The following RALYL variants were observed in gnomAD, a reference collection of about 807,000 sequenced individuals.
The protein encoded by RALYL is RALY RNA binding protein like.
RALYL carries 29 observed loss-of-function variants against 35.1 expected under a neutral mutation model. The observed-to-expected ratio is 0.83, with a 90% CI of 0.61 to 1.13. The LOEUF (loss-of-function observed/expected upper bound fraction) is 1.13. Among genes scored for constraint, RALYL ranks in the 50% most tolerant of loss-of-function variants. The pLI, the probability that RALYL is intolerant of heterozygous loss-of-function variation, is 0.00. For synonymous variants in RALYL, 120 were observed against 127.6 expected (o/e 0.94, Z 0.40); for missense variants, 359 against 360.4 (o/e 1.00, Z 0.03).
At chr8:84,493,045 T>C (rs1202351737) in intron 1 of RALYL, among the ~76,000 whole-genome samples, 1 of 152,112 alleles carries the variant, frequency 6.6e-6, no homozygotes, top group African/African-American at 2.4e-5. Flanking sequence ...GCATTAACTA[T>C]TTGTCCTGAT....
At chr8:84,275,998 G>A (rs748760377) in intron 1 of RALYL, among the ~76,000 whole-genome samples, 1 of 151,928 alleles carries the variant, frequency 6.6e-6, no homozygotes, top group Non-Finnish European at 1.5e-5. Context: ...GCACTCGGTG[G>A]CATATAAAAC....
chr8:84,768,945 G>A (rs1814765481), intron 2 of RALYL, among the ~76,000 whole-genome samples: 1 of 152,150 alleles, frequency 6.6e-6, no homozygotes, highest in Admixed American at 6.6e-5. Flanking sequence ...CAATCTAAGT[G>A]TGTTTTCAGA....
chr8:84,788,634 C>A (rs1820097570), intron 3 of RALYL, among the ~76,000 whole-genome samples: 1 of 152,082 alleles, frequency 6.6e-6, no homozygotes. Flanking sequence ...AGTTAATTTT[C>A]TAAAAGGGCA....
rs146061758 is a variant in RALYL, at chr8:84,314,119, G to A, written c.-24+129695G>A. 1.3e-3 allele frequency among the ~76,000 whole-genome samples: 203 copies of A among 152,208 alleles called. 1 individual carries two copies. Among genetic ancestry groups the A allele is most frequent in the African/African-American group, 3.9e-3 (164 of 41,536 alleles). On this transcript the variant is annotated intron_variant, in intron 1 of 8. Transcript: ENST00000521268. ...TTCACAAGGCAGCAGGAGAGAGAGC[G>A]CAAGTGCAGGGTAAACACTGGACAC...
chr8:84,555,063 G>A (rs957102879), intron 2 of RALYL, among the ~76,000 whole-genome samples: 1 of 152,024 alleles, frequency 6.6e-6, no homozygotes, highest in Admixed American at 6.6e-5. Context: ...GGCAGATCAC[G>A]AGGTCAGGCG....
intron 7 of RALYL, among the ~76,000 whole-genome samples, chr8:84,879,076 C>T (rs899042809): frequency 1.3e-5 from 2 of 152,006 alleles, no homozygotes; most frequent in African/African-American, 4.8e-5. Flanking sequence ...AAAGCATGGA[C>T]TCTAAAAGCA....
intron 1 of RALYL, among the ~76,000 whole-genome samples, chr8:84,392,720 C>G (rs73300760): frequency 6.6e-6 from 1 of 151,842 alleles, no homozygotes; most frequent in African/African-American, 2.4e-5. Flanking sequence ...CAAATTTACC[C>G]AATGGTATAC....
At chr8:84,416,951 A>G (rs73304397) in intron 1 of RALYL, among the ~76,000 whole-genome samples, 4,467 of 152,220 alleles carry the variant, frequency 0.029, 216 homozygotes, top group African/African-American at 0.1. Context: ...AAGCTACCAA[A>G]TAACCAACCA....
chr8:84,850,458 G>T (rs1029262160), intron 5 of RALYL, among the ~76,000 whole-genome samples: 1 of 152,168 alleles, frequency 6.6e-6, no homozygotes, highest in African/African-American at 2.4e-5. Flanking sequence ...TTCCTGCTTT[G>T]CAGGACAGTA....
At chr8:84,242,036 T>C (rs530468548) in intron 1 of RALYL, among the ~76,000 whole-genome samples, 1 of 152,184 alleles carries the variant, frequency 6.6e-6, no homozygotes, top group South Asian at 2.1e-4. Flanking sequence ...CTAGTGTGTG[T>C]TGTTCCCCCC....
chr8:84,837,059 C>T (rs1032058031), intron 4 of RALYL, among the ~76,000 whole-genome samples: 1 of 152,172 alleles, frequency 6.6e-6, no homozygotes. Context: ...AATGCCAGCT[C>T]TTTCATGAAG....
chr8:84,687,236 TA>T (rs1166628414), intron 2 of RALYL, among the ~76,000 whole-genome samples: 1 of 152,134 alleles, frequency 6.6e-6, no homozygotes, highest in East Asian at 1.9e-4. Context: ...TTAAATCAAT[TA>T]ATAGTCACTT....
intron 2 of RALYL, among the ~76,000 whole-genome samples, chr8:84,700,668 G>A (rs561886425): frequency 4.1e-4 from 62 of 152,272 alleles, no homozygotes; most frequent in African/African-American, 1.4e-3. Flanking sequence ...AAAATGAGGT[G>A]TTGAATGAAA....
rs964258853 is a variant in RALYL at position 84,623,657 on chromosome 8, G to A, written c.256+94080G>A. Among the ~76,000 whole-genome samples, 13 of 152,076 alleles carry A rather than the reference G, an allele frequency of 8.5e-5. No homozygotes were observed. In the South Asian group the frequency reaches 2.1e-3, roughly 24 times the overall value. ...AATGAAAGAATACAAACAGCAATTC[G>A]AAGAAGTTTTTCTCTAAATAGGAGC... is the stretch of plus-strand genomic sequence containing the variant. On this transcript the variant is annotated intron_variant, in intron 2 of 8. Coordinates refer to ENST00000521268, the MANE Select transcript of RALYL (RefSeq NM_173848.7).
chr8:84,645,244 T>C (rs945315991), intron 2 of RALYL, among the ~76,000 whole-genome samples: 1 of 152,016 alleles, frequency 6.6e-6, no homozygotes, highest in Non-Finnish European at 1.5e-5. Context: ...CCCACTATGT[T>C]GTGTTTTTGT....
chr8:84,401,092 CAA>C (rs1430108252), intron 1 of RALYL, among the ~76,000 whole-genome samples: 1 of 152,028 alleles, frequency 6.6e-6, no homozygotes, highest in Non-Finnish European at 1.5e-5. Context: ...TAATAAAATA[CAA>C]AGTTTGAAAA....
intron 1 of RALYL, among the ~76,000 whole-genome samples, chr8:84,490,123 A>AGTG (rs2055116454): frequency 1.0e-5 from 1 of 98,520 alleles, no homozygotes; most frequent in Non-Finnish European, 2.3e-5. Flanking sequence ...GTGTGTGTTG[A>AGTG]GTGGGGAGGG....
chr8:84,422,776 A>T (rs1372290123), intron 1 of RALYL, among the ~76,000 whole-genome samples: 1 of 144,038 alleles, frequency 6.9e-6, no homozygotes, highest in African/African-American at 2.6e-5. Flanking sequence ...TTCAAAGAAC[A>T]TCTTTATTTC....
intron 4 of RALYL, among the ~76,000 whole-genome samples, chr8:84,838,620 G>A (rs971723855): frequency 5.9e-5 from 9 of 152,172 alleles, no homozygotes; most frequent in Admixed American, 5.9e-4. Context: ...GCAGGCAGTG[G>A]AACCTGAGAA....
Sources: gnomAD v4.1 joint callset for allele counts (sites outside exome capture counted in the v4.1 genomes callset) on GRCh38, gnomAD v4.1.1 for gene constraint, MANE v1.5 for transcripts, NCBI Gene and HGNC (gene_info 2026-07-23, HGNC 2026-07-21) for gene names.